CXXC5: variants seen among roughly 807,000 people sequenced by gnomAD.
CXXC5 encodes the protein CXXC finger protein 5.
Under a neutral mutation model 17.6 loss-of-function variants are expected in CXXC5, and 2 were observed. The ratio of observed to expected loss-of-function variants is 0.11; its 90% CI spans 0.05 to 0.36. CXXC5 has a LOEUF of 0.36. Ranked by LOEUF, CXXC5 falls within the 10% of genes least tolerant of loss-of-function variation. CXXC5 has a pLI of 1.00. For synonymous variants in CXXC5, 171 were observed against 193.0 expected, an observed-to-expected ratio of 0.89 and a Z score of 0.94; for missense variants, 343 against 458.3, an observed-to-expected ratio of 0.75 and a Z score of 2.30.
Position 139,657,475 on chromosome 5 carries a change from A to G in CXXC5, c.-161+8630A>G, listed in dbSNP as rs139274085. ...TAGTTGGGCAGACAAAAGTGAATGA[A>G]TGAATGACTGGATGACTGGTGGTGA... On this transcript the variant is annotated intron_variant, in intron 1 of 2. Transcript: ENST00000302517. Among the ~76,000 whole-genome samples the G allele has an allele frequency of 2.0e-5, 3 of 152,356 alleles. No homozygotes were observed. In the East Asian group the frequency reaches 5.8e-4, roughly 29 times the overall value.
At position 139,661,186 on chromosome 5, in the gene CXXC5, C is replaced by G. The variant is rs1048390731; in HGVS notation, c.-161+12341C>G. Among the ~76,000 whole-genome samples, 4 of 152,230 alleles carry G rather than the reference C, an allele frequency of 2.6e-5. No individual in the cohort carries two copies. Among genetic ancestry groups the G allele is most frequent in the East Asian group, 1.9e-4 (1 of 5,192 alleles). On this transcript the variant is annotated intron_variant, in intron 1 of 2. Transcript: ENST00000302517. The surrounding 1 kb of genome is among the most constrained non-coding windows in gnomAD (Gnocchi z 4.7). ...GCCGCGGCTGCCCGCGCCGCCCCCC[C>G]ACCTCTTGCGCTGTCGGCCATCAGC...
At chr5:139,647,893 T>C (rs1300198554), upstream of CXXC5, 2 of 151,934 alleles carry the variant, frequency 1.3e-5, no homozygotes, top group Non-Finnish European at 2.9e-5. Context: ...ACTAGGAATC[T>C]CTGGCCCGCC....
chr5:139,648,470 A>G lies in CXXC5; in HGVS notation c.-536A>G, dbSNP rs1754975846. 1 of 152,780 alleles carries G rather than the reference A, an allele frequency of 6.5e-6. No individual in the cohort carries two copies. The highest frequency in any genetic ancestry group is 2.4e-5 in the African/African-American group (1 of 41,366). The allele number at this position is 152,780 out of a possible 1,614,324, so 9.5% of individuals were successfully genotyped here. A position where few individuals can be genotyped will look rare whatever the true frequency, so the allele number is the denominator to read the frequency against. ...AAGAGCGGCAGAGCCTTATCCCCTG[A>G]AGCCGGGCCCCGCGTCCCAGCCCTG... On this transcript the variant is annotated 5_prime_UTR_variant, in exon 1 of 3. Coordinates refer to ENST00000302517, the MANE Select transcript of CXXC5 (RefSeq NM_016463.9).
At chr5:139,677,094 C>T (rs995247265) in intron 1 of CXXC5, among the ~76,000 whole-genome samples, 62 of 151,978 alleles carry the variant, frequency 4.1e-4, no homozygotes, top group Admixed American at 1.1e-3. Flanking sequence ...GCTGGCGGGG[C>T]GGCGGGGCGC....
At chr5:139,655,595 G>C (rs566030877) in intron 1 of CXXC5, among the ~76,000 whole-genome samples, 1 of 151,568 alleles carries the variant, frequency 6.6e-6, no homozygotes, top group African/African-American at 2.4e-5. Flanking sequence ...TCATCTCTTC[G>C]GGATTCTCTC....
chr5:139,678,637 C>T (rs1397289190), intron 1 of CXXC5, among the ~76,000 whole-genome samples: 1 of 152,098 alleles, frequency 6.6e-6, no homozygotes, highest in Admixed American at 6.5e-5. Flanking sequence ...AGCCCCCCCT[C>T]CCCCCCGCTT....
At chr5:139,662,304 G>A (rs976262820) in intron 1 of CXXC5, among the ~76,000 whole-genome samples, 1 of 152,152 alleles carries the variant, frequency 6.6e-6, no homozygotes, top group Non-Finnish European at 1.5e-5. Context: ...TTATGTATAA[G>A]GAAGTCCTGG....
In CXXC5 at chr5:139,648,612, A is replaced by T. The variant is rs1754987201; in HGVS notation, c.-394A>T. On this transcript the variant is annotated 5_prime_UTR_variant, in exon 1 of 3. Transcript: ENST00000302517. The stretch of plus-strand genomic sequence containing the variant: ...GATTAGTTGCTTTTTGTTGTTTTTT[A>T]ATTTGGGCCGCGGGGAGGGGGAGGA... 6.7e-6 allele frequency: 1 copy of T among 149,784 alleles called. No individual in the cohort carries two copies. Among genetic ancestry groups the T allele is most frequent in the African/African-American group, 2.5e-5 (1 of 40,664 alleles). The allele number at this position is 149,784 out of a possible 1,614,324, so 9.3% of individuals were successfully genotyped here.
chr5:139,663,497 G>A lies in CXXC5; in HGVS notation c.-161+14652G>A, dbSNP rs749870720. ...CCTTCTTCCTTTGGGCAGAAGAGGA[G>A]ATGCAAGCCTGGCCAGTGGGGTGCT... On this transcript the variant is annotated intron_variant, in intron 1 of 2. Coordinates refer to ENST00000302517, the MANE Select transcript of CXXC5 (RefSeq NM_016463.9). This position sits in a 1 kb window ranked among gnomAD's most constrained non-coding sequence, Gnocchi z 4.2. Among the ~76,000 whole-genome samples, 5 of 152,122 alleles carry A rather than the reference G, an allele frequency of 3.3e-5. No individual in the cohort carries two copies. Among genetic ancestry groups the A allele is most frequent in the Non-Finnish European group, 5.9e-5 (4 of 68,030 alleles).
chr5:139,683,282 G>A lies in CXXC5; in HGVS notation c.*375G>A, dbSNP rs1757362588. 1 of 175,090 alleles carries A rather than the reference G, an allele frequency of 5.7e-6. No individual in the cohort carries two copies. The allele number at this position is 175,090 out of a possible 1,614,324, so 10.8% of individuals were successfully genotyped here. A position where few individuals can be genotyped will look rare whatever the true frequency, so the allele number is the denominator to read the frequency against. On this transcript the variant is annotated 3_prime_UTR_variant, in exon 3 of 3. Coordinates refer to ENST00000302517, the MANE Select transcript of CXXC5 (RefSeq NM_016463.9). ...TTTGTGTAGAGAATGTAAATTTTCT[G>A]TAACCTTTTGAAATCTAGTTACTAA...
At position 139,661,794 on chromosome 5, in the gene CXXC5, G is replaced by A. The variant is rs991736490; in HGVS notation, c.-161+12949G>A. On this transcript the variant is annotated intron_variant, in intron 1 of 2. Transcript: ENST00000302517. The surrounding 1 kb of genome is among the most constrained non-coding windows in gnomAD (Gnocchi z 4.7). ...GGCCTTCAGCCATGTTGTGTCCACC[G>A]GGTTCTGCAAGGTGTGGGTGGGGAA... Among the ~76,000 whole-genome samples the A allele has an allele frequency of 3.3e-5, 5 of 152,242 alleles. No homozygotes were observed. The highest frequency in any genetic ancestry group is 4.8e-5 in the African/African-American group (2 of 41,458).
intron 1 of CXXC5, among the ~76,000 whole-genome samples, chr5:139,667,352 TTCTC>T (rs1325626322): frequency 2.6e-5 from 4 of 152,288 alleles, no homozygotes; most frequent in Admixed American, 2.6e-4. Context: ...TTTTAAACCT[TTCTC>T]TGTGTGTCCC....
chr5:139,672,140 G>A (rs1338331943), intron 1 of CXXC5, among the ~76,000 whole-genome samples: 1 of 152,012 alleles, frequency 6.6e-6, no homozygotes, highest in African/African-American at 2.4e-5. Flanking sequence ...GTTTTGAGAT[G>A]GAGTTTTGCT....
chr5:139,673,718 T>A (rs1313948289), intron 1 of CXXC5, among the ~76,000 whole-genome samples: 1 of 151,844 alleles, frequency 6.6e-6, no homozygotes, highest in Non-Finnish European at 1.5e-5. Flanking sequence ...GGTGTGCGCC[T>A]GTAATCCCAG....
chr5:139,653,591 C>T (rs184935369), intron 1 of CXXC5, among the ~76,000 whole-genome samples: 34 of 152,250 alleles, frequency 2.2e-4, no homozygotes, highest in African/African-American at 7.5e-4. Flanking sequence ...GCTGGAACCC[C>T]ACAGTCCTCT....
At chr5:139,655,388 G>A (rs931682693) in intron 1 of CXXC5, among the ~76,000 whole-genome samples, 33 of 151,480 alleles carry the variant, frequency 2.2e-4, no homozygotes, top group Non-Finnish European at 1.2e-4. Flanking sequence ...CCTTCAAGCC[G>A]GCCCCCTACC....
chr5:139,653,252 A>G (rs577548785), intron 1 of CXXC5, among the ~76,000 whole-genome samples: 2 of 152,300 alleles, frequency 1.3e-5, no homozygotes, highest in Non-Finnish European at 2.9e-5. Flanking sequence ...CGGCAATGGT[A>G]GCATGTGATT....
chr5:139,652,161 C>CGT lies in CXXC5; in HGVS notation c.-161+3317_-161+3318insTG, dbSNP rs1485366571. Among the ~76,000 whole-genome samples, 103 of 126,464 alleles carry CGT rather than the reference C, an allele frequency of 8.1e-4. No homozygotes were observed. In the East Asian group the frequency reaches 0.012, roughly 15 times the overall value. 83.0% of individuals were successfully genotyped at this position (126,464 alleles called of 152,430 possible). A position where few individuals can be genotyped will look rare whatever the true frequency, so the allele number is the denominator to read the frequency against. ...TCCTAGCCGCCGGCGCGCGCGCGCGCGCGCGCGCGCGTGTGTGTGTGTGTG... is the reference window on the plus strand; with the variant it reads ...TCCTAGCCGCCGGCGCGCGCGCGCGCGTGCGCGCGCGCGTGTGTGTGTGTGTG... On this transcript the variant is annotated intron_variant, in intron 1 of 2. Transcript: ENST00000302517.
At chr5:139,649,608 C>T (rs1380267849) in intron 1 of CXXC5, 1 of 152,118 alleles carries the variant, frequency 6.6e-6, no homozygotes, top group East Asian at 1.9e-4. Context: ...AAAGTATCTC[C>T]CCCACCACCA....
Sources: gnomAD v4.1 joint callset for allele counts (sites outside exome capture counted in the v4.1 genomes callset) on GRCh38, gnomAD v4.1.1 for gene constraint, Gnocchi (gnomAD v3.1) non-coding constraint, MANE v1.5 for transcripts, NCBI Gene and HGNC (gene_info 2026-07-23, HGNC 2026-07-21) for gene names.